GNAS: variants seen among roughly 807,000 people sequenced by gnomAD.
The protein encoded by GNAS is protein ALEX.
In GNAS, 8 loss-of-function variants were observed where a neutral mutation model predicts 54.5. The ratio of observed to expected loss-of-function variants is 0.15; its 90% CI spans 0.09 to 0.26. The LOEUF (loss-of-function observed/expected upper bound fraction) is 0.26, where lower values mean the gene tolerates loss of function less well. GNAS is among the 10% of genes least tolerant of loss of function. GNAS has a pLI of 1.00. For missense variants in GNAS, 170 were observed against 529.8 expected, an observed-to-expected ratio of 0.32 and a Z score of 6.67; for synonymous variants, 204 against 191.4, an observed-to-expected ratio of 1.07 and a Z score of -0.54.
intron 1 of GNAS, among the ~76,000 whole-genome samples, chr20:58,879,429 T>C (rs1298558200): frequency 6.6e-6 from 1 of 152,254 alleles, no homozygotes; most frequent in East Asian, 1.9e-4. Flanking sequence ...TGTCCTGTTC[T>C]GGGGACCTTT....
intron 1 of GNAS, among the ~76,000 whole-genome samples, chr20:58,861,805 A>C (rs1409091701): frequency 6.6e-6 from 1 of 152,172 alleles, no homozygotes; most frequent in Non-Finnish European, 1.5e-5. Context: ...TCCCGGGTTC[A>C]AGCGATTCTC....
At chr20:58,901,862 A>G (rs1410117341) in intron 3 of GNAS, among the ~76,000 whole-genome samples, 1 of 97,380 alleles carries the variant, frequency 1.0e-5, no homozygotes, top group Non-Finnish European at 1.9e-5. Flanking sequence ...CTGCTGCTCC[A>G]CTGACTGCCC....
At chr20:58,903,253 T>C in intron 3 of GNAS, 1 of 539,420 alleles carries the variant, frequency 1.9e-6, no homozygotes. Context: ...TTCAAACCCA[T>C]GAAAGATTAA....
At chr20:58,891,910 A>G (rs1360080372) in intron 1 of GNAS, 45 bp downstream of exon 1, 2 of 971,210 alleles carry the variant, frequency 2.1e-6, no homozygotes, top group East Asian at 1.2e-4. Flanking sequence ...GGGGCCCTCG[A>G]AGGGCGCCCC....
At chr20:58,855,661 C>CGGGGAGGGGGCCCCG (rs1349252912) in intron 1 of GNAS, 1 of 477,134 alleles carries the variant, frequency 2.1e-6, no homozygotes, top group Non-Finnish European at 4.3e-6. Flanking sequence ...CAGGAACTGC[C>CGGGGAGGGGGCCCCG]GGGGAGGGGC....
At chr20:58,896,134 C>G (rs1220420786) in intron 2 of GNAS, among the ~76,000 whole-genome samples, 1 of 152,172 alleles carries the variant, frequency 6.6e-6, no homozygotes, top group Non-Finnish European at 1.5e-5. Flanking sequence ...AATGAACCAA[C>G]ACAGGATGTT....
intron 1 of GNAS, among the ~76,000 whole-genome samples, chr20:58,844,752 C>T (rs1379509164): frequency 2.6e-5 from 4 of 151,614 alleles, no homozygotes; most frequent in African/African-American, 7.3e-5. Flanking sequence ...AGCTAGGTAT[C>T]GCGCCATTGC....
At chr20:58,888,078 T>C (rs2088717434), upstream of GNAS, among the ~76,000 whole-genome samples, 1 of 152,238 alleles carries the variant, frequency 6.6e-6, no homozygotes, top group Non-Finnish European at 1.5e-5. Flanking sequence ...GACTGTTAAA[T>C]GTGTTTCCAT....
intron 1 of GNAS, among the ~76,000 whole-genome samples, chr20:58,871,354 C>T (rs993239417): frequency 6.6e-6 from 1 of 152,060 alleles, no homozygotes; most frequent in Non-Finnish European, 1.5e-5. Flanking sequence ...GTGGTTCACG[C>T]CTGTAATCCC....
intron 1 of GNAS, among the ~76,000 whole-genome samples, chr20:58,882,149 A>G (rs1568959474): frequency 1.3e-5 from 2 of 152,256 alleles, no homozygotes. Context: ...GCTCACTGCA[A>G]GCTCCGCCTC....
intron 5 of GNAS, 47 bp downstream of exon 5, chr20:58,903,838 C>A (rs764624539): frequency 1.2e-6 from 2 of 1,608,908 alleles, no homozygotes; most frequent in Non-Finnish European, 1.7e-6. Flanking sequence ...CCCACCTGAG[C>A]ACAGTGTCCA....
chr20:58,853,632 T>G lies in GNAS; in HGVS notation c.43+12746T>G. On this transcript the variant is annotated intron_variant, in intron 1 of 12. Transcript: ENST00000306090. This position sits in a 1 kb window ranked among gnomAD's most constrained non-coding sequence, Gnocchi z 4.4. ...CTGGCCTACACTGGAGCAGCCTGGA[T>G]TCCCCAGTGGGGTCCATGCAGGCCT... is the stretch of plus-strand genomic sequence containing the variant. 1 of 1,613,430 alleles carries G rather than the reference T, an allele frequency of 6.2e-7. No individual in the cohort carries two copies. The highest frequency in any genetic ancestry group is 8.5e-7 in the Non-Finnish European group (1 of 1,179,868).
rs1487951855 is a variant in GNAS, at chr20:58,841,850, C to A, written c.43+964C>A. The A allele has an allele frequency of 1.6e-6, 2 of 1,230,970 alleles. No individual in the cohort carries two copies. Among genetic ancestry groups the A allele is most frequent in the Middle Eastern group, 3.1e-4 (1 of 3,206 alleles). 76.3% of individuals were successfully genotyped at this position (1,230,970 alleles called of 1,614,324 possible). A position where few individuals can be genotyped will look rare whatever the true frequency, so the allele number is the denominator to read the frequency against. ...GCTGTTTGCGCAGGACCTCTGGAGG[C>A]CCTCGAGATCGTCGCAAGTGGAAAG... On this transcript the variant is annotated intron_variant, in intron 1 of 12. Coordinates refer to the GNAS transcript ENST00000306090. The surrounding 1 kb of genome is among the most constrained non-coding windows in gnomAD (Gnocchi z 5.0).
At chr20:58,844,808 CA>C (rs760229478) in intron 1 of GNAS, among the ~76,000 whole-genome samples, 7 of 150,990 alleles carry the variant, frequency 4.6e-5, no homozygotes, top group Non-Finnish European at 8.9e-5. Flanking sequence ...AAAAAAAAAA[CA>C]AAACAAAACA....
chr20:58,862,626 G>A (rs1209827364), intron 1 of GNAS, among the ~76,000 whole-genome samples: 1 of 150,906 alleles, frequency 6.6e-6, no homozygotes, highest in African/African-American at 2.4e-5. Context: ...TAACATGTAA[G>A]TTCTAAAAGT....
chr20:58,875,179 T>TTG (rs2087724421), intron 1 of GNAS, among the ~76,000 whole-genome samples: 2 of 152,226 alleles, frequency 1.3e-5, no homozygotes, highest in South Asian at 4.1e-4. Flanking sequence ...AATTATTAAG[T>TTG]TGTGGCTTCT....
Position 58,853,947 on chromosome 20 carries a change from CT to C in GNAS, c.43+13063del, listed in dbSNP as rs1568924900. 2 of 1,611,944 alleles carry C rather than the reference CT, an allele frequency of 1.2e-6. No homozygotes were observed. The highest frequency in any genetic ancestry group is 1.7e-6 in the Non-Finnish European group (2 of 1,179,600). On this transcript the variant is annotated intron_variant, in intron 1 of 12. Coordinates refer to the GNAS transcript ENST00000306090. This position sits in a 1 kb window ranked among gnomAD's most constrained non-coding sequence, Gnocchi z 4.4. ...CCCTGAGGAGACTATGCCATTTGAGCTTGATGGAGAAGGATTTGGGGACGAC... is the reference window on the plus strand; with the variant it reads ...CCCTGAGGAGACTATGCCATTTGAGCTGATGGAGAAGGATTTGGGGACGAC...
chr20:58,864,856 G>A lies in GNAS; in HGVS notation c.43+23970G>A, dbSNP rs117825732. ...GAGGGGTCCTCCAAGTGGCTTTATT[G>A]ACATTTTTTCATGGGGTGGTTGTCC... On this transcript the variant is annotated intron_variant, in intron 1 of 12. Transcript: ENST00000306090. Among the ~76,000 whole-genome samples the A allele has an allele frequency of 4.6e-5, 7 of 151,974 alleles. No homozygotes were observed. In the East Asian group the frequency reaches 1.4e-3, roughly 29 times the overall value.
intron 1 of GNAS, chr20:58,842,528 A>C: frequency 2.5e-6 from 1 of 398,612 alleles, no homozygotes. Flanking sequence ...CTGTGGTTGG[A>C]TGCTTTTGTG....
Sources: gnomAD v4.1 joint callset for allele counts (sites outside exome capture counted in the v4.1 genomes callset) on GRCh38, gnomAD v4.1.1 for gene constraint, Gnocchi (gnomAD v3.1) non-coding constraint, MANE v1.5 for transcripts, NCBI Gene and HGNC (gene_info 2026-07-23, HGNC 2026-07-21) for gene names.